Variants in SYNPR observed in about 807,000 individuals in gnomAD.
SYNPR encodes synaptoporin.
Under a neutral mutation model 32.9 loss-of-function variants are expected in SYNPR, and 23 were observed. The observed-to-expected ratio is 0.70, with a 90% CI of 0.50 to 0.99. SYNPR has a LOEUF of 0.99. SYNPR is among the 50% of genes least tolerant of loss of function. SYNPR has a pLI of 0.00. For missense variants in SYNPR, 318 were observed against 349.3 expected, an observed-to-expected ratio of 0.91 and a Z score of 0.71; for synonymous variants, 146 against 135.9, an observed-to-expected ratio of 1.07 and a Z score of -0.52.
chr3:63,443,586 T>C, intron 2 of SYNPR: 1 of 1,152,232 alleles, frequency 8.7e-7, no homozygotes. Flanking sequence ...AGTTTTTAAG[T>C]CTCTAGTAAT....
chr3:63,512,280 G>C lies in SYNPR; in HGVS notation c.209+31324G>C, dbSNP rs369650075. On this transcript the variant is annotated intron_variant, in intron 3 of 5. Coordinates refer to ENST00000478300, the MANE Select transcript of SYNPR (RefSeq NM_001130003.2). Reference sequence around the variant, plus strand: ...TGTCTGCCTCATTTTCCCAACCTCAGTGGGCTTTCTCAATGGATTATGCTA... The same window carrying C: ...TGTCTGCCTCATTTTCCCAACCTCACTGGGCTTTCTCAATGGATTATGCTA... Among the ~76,000 whole-genome samples, 4 of 152,058 alleles carry C rather than the reference G, an allele frequency of 2.6e-5. No individual in the cohort carries two copies. In the South Asian group the frequency reaches 8.3e-4, roughly 31 times the overall value.
At chr3:63,603,911 GT>G (rs1177323619) in intron 4 of SYNPR, among the ~76,000 whole-genome samples, 2 of 152,154 alleles carry the variant, frequency 1.3e-5, no homozygotes, top group Non-Finnish European at 2.9e-5. Context: ...TTTTGAAATA[GT>G]TTTGGTAGGA....
At chr3:63,304,354 TTGTGTGTG>T (rs34570930) in intron 2 of SYNPR, among the ~76,000 whole-genome samples, 18 of 146,622 alleles carry the variant, frequency 1.2e-4, no homozygotes, top group African/African-American at 2.7e-4. Flanking sequence ...GTGTGTGTGT[TTGTGTGTG>T]TGTGTGTGTG....
At position 63,615,408 on chromosome 3, in the gene SYNPR, C is replaced by A. The variant is rs201956326; in HGVS notation, c.785C>A (p.Ala262Glu). ...YGSSSGYSQQ[A>E]SLGPTSDEFG... Reference sequence around the variant, plus strand: ...TCAAGCAGTGGGTACAGTCAGCAGGCGAGTTTGGGGCCAACCTCAGATGAG... The same window carrying A: ...TCAAGCAGTGGGTACAGTCAGCAGGAGAGTTTGGGGCCAACCTCAGATGAG... The change falls in exon 6 of 6, where the codon GCG becomes GAG. Residue 262 changes from alanine (A) to glutamate (E), a missense_variant. Coordinates refer to ENST00000478300, the MANE Select transcript of SYNPR (RefSeq NM_001130003.2). The A allele has an allele frequency of 3.7e-6, 6 of 1,613,866 alleles. No individual in the cohort carries two copies. Among genetic ancestry groups the A allele is most frequent in the South Asian group, 1.1e-5 (1 of 91,054 alleles).
At chr3:63,460,613 A>T (rs564986092) in intron 2 of SYNPR, among the ~76,000 whole-genome samples, 5 of 149,144 alleles carry the variant, frequency 3.4e-5, no homozygotes, top group South Asian at 4.2e-4. Flanking sequence ...TTGGTTTGTA[A>T]GGCAATATTG....
At chr3:63,297,935 C>G (rs540504641) in intron 2 of SYNPR, among the ~76,000 whole-genome samples, 1 of 152,186 alleles carries the variant, frequency 6.6e-6, no homozygotes, top group South Asian at 2.1e-4. Context: ...GTTATGTTAT[C>G]TATAGGAACA....
At chr3:63,219,685 G>T in the SYNPR span, among the ~76,000 whole-genome samples, 1 of 152,212 alleles carries the variant, frequency 6.6e-6, no homozygotes, top group East Asian at 1.9e-4. Context: ...CTAGAGAAAA[G>T]AAAATATTAT....
At chr3:63,412,437 A>G (rs2088478966) in intron 2 of SYNPR, among the ~76,000 whole-genome samples, 1 of 152,204 alleles carries the variant, frequency 6.6e-6, no homozygotes, top group South Asian at 2.1e-4. Flanking sequence ...TTTGTCAAGC[A>G]TCTACCTTGC....
intron 3 of SYNPR, among the ~76,000 whole-genome samples, chr3:63,522,948 C>G (rs574223575): frequency 8.5e-5 from 13 of 152,166 alleles, no homozygotes; most frequent in Non-Finnish European, 1.9e-4. Flanking sequence ...TTTAAAAGAC[C>G]ATTCTAGCTG....
At chr3:63,262,020 AG>A in intron 2 of SYNPR, among the ~76,000 whole-genome samples, 4 of 69,980 alleles carry the variant, frequency 5.7e-5, no homozygotes, top group Non-Finnish European at 7.1e-5. Context: ...TAAAACTTTA[AG>A]TATAATAAAA....
chr3:63,586,166 T>A (rs1025789272), intron 4 of SYNPR, among the ~76,000 whole-genome samples: 9 of 152,040 alleles, frequency 5.9e-5, no homozygotes, highest in African/African-American at 2.2e-4. Context: ...GACAGATGGG[T>A]TGATATATGA....
At chr3:63,586,068 C>A (rs750781966) in intron 4 of SYNPR, among the ~76,000 whole-genome samples, 1 of 152,046 alleles carries the variant, frequency 6.6e-6, no homozygotes, top group Non-Finnish European at 1.5e-5. Context: ...TGAAGTCAGA[C>A]TGAATTTAAG....
chr3:63,561,857 T>C (rs1187505720), intron 4 of SYNPR, among the ~76,000 whole-genome samples: 1 of 152,192 alleles, frequency 6.6e-6, no homozygotes, highest in African/African-American at 2.4e-5. Context: ...GCCAAGTTTA[T>C]CAATGGCTAC....
intron 3 of SYNPR, among the ~76,000 whole-genome samples, chr3:63,500,329 C>A (rs1248183014): frequency 2.0e-5 from 3 of 152,126 alleles, no homozygotes; most frequent in Non-Finnish European, 4.4e-5. Context: ...CTTGGAAACA[C>A]TGTCCTAGAG....
chr3:63,588,214 G>T (rs951757310), intron 4 of SYNPR, among the ~76,000 whole-genome samples: 3 of 151,948 alleles, frequency 2.0e-5, no homozygotes, highest in African/African-American at 7.3e-5. Context: ...CTTCACAGAT[G>T]GTTTGTATAG....
chr3:63,258,871 T>TA (rs1367328860), intron 2 of SYNPR, among the ~76,000 whole-genome samples: 1 of 151,932 alleles, frequency 6.6e-6, no homozygotes, highest in Non-Finnish European at 1.5e-5. Context: ...ATAGATGCAA[T>TA]AAAAAATGAT....
At chr3:63,426,680 G>C (rs941598382) in intron 2 of SYNPR, 1 of 152,064 alleles carries the variant, frequency 6.6e-6, no homozygotes, top group Non-Finnish European at 1.5e-5. Context: ...AGTAACTAGA[G>C]GTCACCTCCT....
intron 2 of SYNPR, among the ~76,000 whole-genome samples, chr3:63,383,368 A>G (rs1369958887): frequency 6.6e-6 from 1 of 152,174 alleles, no homozygotes; most frequent in Non-Finnish European, 1.5e-5. Flanking sequence ...TCTTTTCCAT[A>G]TTTATTAAGC....
intron 3 of SYNPR, among the ~76,000 whole-genome samples, chr3:63,481,335 T>A (rs1701043474): frequency 6.6e-6 from 1 of 152,194 alleles, no homozygotes; most frequent in Non-Finnish European, 1.5e-5. Context: ...AATGACAGAT[T>A]GTTTCCCAAA....
Sources: gnomAD v4.1 joint callset for allele counts (sites outside exome capture counted in the v4.1 genomes callset) on GRCh38, gnomAD v4.1.1 for gene constraint, MANE v1.5 for transcripts, NCBI Gene and HGNC (gene_info 2026-07-23, HGNC 2026-07-21) for gene names.